UQCRC2: variants seen among roughly 807,000 people sequenced by gnomAD.
UQCRC2 encodes the protein cytochrome b-c1 complex subunit 2, mitochondrial.
Under a neutral mutation model 55.6 loss-of-function variants are expected in UQCRC2, and 49 were observed. That is an observed-to-expected ratio of 0.88 (90% CI 0.70 to 1.12). The LOEUF (loss-of-function observed/expected upper bound fraction) is 1.12. Ranked by LOEUF, UQCRC2 falls within the 50% of genes most tolerant of loss-of-function variation. The probability of loss-of-function intolerance (pLI) is 0.00; values close to 1 mark genes in which losing one functional copy is unlikely to be tolerated. For synonymous variants in UQCRC2, 193 were observed against 192.0 expected, an observed-to-expected ratio of 1.01 and a Z score of -0.04; for missense variants, 506 against 547.8, an observed-to-expected ratio of 0.92 and a Z score of 0.76.
intron 10 of UQCRC2, among the ~76,000 whole-genome samples, chr16:21,973,058 C>G (rs960464716): frequency 6.6e-6 from 1 of 152,206 alleles, no homozygotes; most frequent in African/African-American, 2.4e-5. Context: ...TGAGATCGTG[C>G]CACTGCACTC....
At chr16:21,976,837 G>A (rs1898597944) in intron 12 of UQCRC2, 1 of 152,076 alleles carries the variant, frequency 6.6e-6, no homozygotes. Context: ...GATTTCCCTA[G>A]CAATGATTCT....
intron 1 of UQCRC2, among the ~76,000 whole-genome samples, chr16:21,954,026 C>G (rs1898053435): frequency 6.6e-6 from 1 of 152,152 alleles, no homozygotes; most frequent in Admixed American, 6.5e-5. Context: ...TCCTCAAAAG[C>G]TCCTTAATTA....
intron 7 of UQCRC2, 87 bp from the exon 8 acceptor site, chr16:21,968,541 T>C (rs1029131234): frequency 1.1e-5 from 14 of 1,252,630 alleles, no homozygotes; most frequent in Non-Finnish European, 1.5e-5. Flanking sequence ...TATAAGTATT[T>C]ATTTTCTTCC....
At chr16:21,976,704 C>T (rs564425754) in intron 12 of UQCRC2, 1 of 152,832 alleles carries the variant, frequency 6.5e-6, no homozygotes, top group Non-Finnish European at 1.5e-5. Context: ...TCCAGCCAAA[C>T]AAACATAAGT....
intron 10 of UQCRC2, among the ~76,000 whole-genome samples, chr16:21,972,743 C>T (rs998387297): frequency 6.6e-6 from 1 of 152,072 alleles, no homozygotes; most frequent in Non-Finnish European, 1.5e-5. Flanking sequence ...ATAGAAATTC[C>T]TAGTTCAGAA....
intron 12 of UQCRC2, among the ~76,000 whole-genome samples, chr16:21,978,486 C>T (rs770233488): frequency 2.0e-5 from 3 of 152,088 alleles, no homozygotes; most frequent in Non-Finnish European, 4.4e-5. Flanking sequence ...TTTAAGCTGC[C>T]GTTGCTTACA....
intron 12 of UQCRC2, 106 bp downstream of exon 12, chr16:21,976,349 C>T (rs1898585083): frequency 2.1e-6 from 2 of 973,728 alleles, no homozygotes; most frequent in South Asian, 3.0e-5. Context: ...CTGAGAAGTA[C>T]AGAAAAGCGT....
At chr16:21,959,966 T>A (rs2141928924) in intron 4 of UQCRC2, among the ~76,000 whole-genome samples, 1 of 152,358 alleles carries the variant, frequency 6.6e-6, no homozygotes, top group Admixed American at 6.5e-5. Flanking sequence ...CAGGCTTTTT[T>A]GTTCATTTAC....
Position 21,974,712 on chromosome 16 carries a change from G to T in UQCRC2, c.1047+736G>T, listed in dbSNP as rs1418393114. Among the ~76,000 whole-genome samples, 52 of 152,176 alleles carry T rather than the reference G, an allele frequency of 3.4e-4. 1 individual carries two copies. Among genetic ancestry groups the T allele is most frequent in the Non-Finnish European group, 1.5e-5 (1 of 68,014 alleles). On this transcript the variant is annotated intron_variant, in intron 11 of 13. Coordinates refer to ENST00000268379, the MANE Select transcript of UQCRC2 (RefSeq NM_003366.4). ...TAGGAGAGTTTACACTGAGAGATTA[G>T]GTTGAAAGAGACATACTGAGCAAAA... is the stretch of plus-strand genomic sequence containing the variant.
Position 21,971,959 on chromosome 16 carries a change from A to C in UQCRC2, c.803A>C (p.His268Pro), listed in dbSNP as rs747845175. The C allele has an allele frequency of 3.1e-6, 5 of 1,614,186 alleles. No individual in the cohort carries two copies. The highest frequency in any genetic ancestry group is 4.2e-6 in the Non-Finnish European group (5 of 1,180,034). Reference sequence around the variant, plus strand: ...GAACAGAATGGAGACAGTCTTGTCCATGCTGCTTTTGTAGCAGAAAGTGCT... The same window carrying C: ...GAACAGAATGGAGACAGTCTTGTCCCTGCTGCTTTTGTAGCAGAAAGTGCT... Reference protein sequence around the residue: ...IREQNGDSLVHAAFVAESAVA... With the variant: ...IREQNGDSLVPAAFVAESAVA... The change falls in exon 10 of 14, where the codon CAT becomes CCT. Residue 268 changes from histidine to proline, a missense_variant. His to Pro is a moderately conservative substitution (Grantham distance 77). Coordinates refer to ENST00000268379, the MANE Select transcript of UQCRC2 (RefSeq NM_003366.4).
chr16:21,958,538 A>G lies in UQCRC2; in HGVS notation c.271A>G (p.Thr91Ala). The change falls in exon 4 of 14, where the codon ACA (threonine) becomes GCA (alanine). Residue 91 changes from threonine (T) to alanine (A), a missense_variant. Physicochemically the swap from Thr to Ala is moderately conservative, Grantham distance 58. Coordinates refer to ENST00000268379, the MANE Select transcript of UQCRC2 (RefSeq NM_003366.4). ...TAATCATTCTTTCTTTTTCAAGACG[A>G]CAAAAGGAGCTTCATCTTTCAAGAT... ...HLLRLTSSLT[T>A]KGASSFKITR... 1 of 1,612,188 alleles carries G rather than the reference A, an allele frequency of 6.2e-7. No homozygotes were observed. Among genetic ancestry groups the G allele is most frequent in the South Asian group, 1.1e-5 (1 of 90,426 alleles).
At chr16:21,966,082 G>A (rs1456452079) in intron 7 of UQCRC2, among the ~76,000 whole-genome samples, 1 of 151,138 alleles carries the variant, frequency 6.6e-6, no homozygotes, top group Non-Finnish European at 1.5e-5. Context: ...GGGAGGCCAA[G>A]ACAGAGGGAT....
intron 13 of UQCRC2, 74 bp downstream of exon 13, chr16:21,980,774 A>G (rs1898704810): frequency 1.5e-5 from 23 of 1,558,460 alleles, no homozygotes; most frequent in Non-Finnish European, 1.8e-5. Flanking sequence ...AAGGATGCAT[A>G]AGCGTCCTTG....
intron 9 of UQCRC2, 49 bp downstream of exon 9, chr16:21,971,669 C>T (rs1371089112): frequency 6.4e-6 from 10 of 1,570,914 alleles, no homozygotes; most frequent in Non-Finnish European, 8.7e-6. Context: ...GGCGTTTCCC[C>T]ACTAGAATAG....
At chr16:21,964,743 G>A (rs1417874922) in intron 6 of UQCRC2, among the ~76,000 whole-genome samples, 4 of 152,148 alleles carry the variant, frequency 2.6e-5, no homozygotes, top group African/African-American at 9.7e-5. Flanking sequence ...TGCCGACATT[G>A]CACCCATAAT....
chr16:21,970,208 T>C (rs895769646), intron 8 of UQCRC2, among the ~76,000 whole-genome samples: 3 of 152,246 alleles, frequency 2.0e-5, no homozygotes, highest in Non-Finnish European at 4.4e-5. Flanking sequence ...TATTCATTGA[T>C]TGGCATTTGG....
intron 1 of UQCRC2, 150 bp downstream of exon 1, chr16:21,953,606 G>C: frequency 2.9e-6 from 3 of 1,022,136 alleles, no homozygotes; most frequent in Non-Finnish European, 4.2e-6. Context: ...TGCAGACTGG[G>C]TCAGGCTTTG....
chr16:21,973,853 T>C, intron 10 of UQCRC2, 43 bp from the exon 11 acceptor site: 1 of 1,582,268 alleles, frequency 6.3e-7, no homozygotes, highest in Non-Finnish European at 8.6e-7. Context: ...TGCCCTGTTT[T>C]ACTTGGTAGA....
Position 21,962,859 on chromosome 16 carries a change from C to A in UQCRC2, c.488C>A (p.Ala163Asp). 1 of 1,614,068 alleles carries A rather than the reference C, an allele frequency of 6.2e-7. No homozygotes were observed. ...DLQPQLKIDKAVAFQNPQTHV... is the reference protein window; with the variant it reads ...DLQPQLKIDKDVAFQNPQTHV... ...CAGCCTCAGCTAAAGATTGACAAAG[C>A]TGTGGCCTTTCAGAATCCGCAGACT... The change falls in exon 6 of 14, where the codon GCT becomes GAT. Residue 163 changes from alanine (A) to aspartate (D), a missense_variant. Physicochemically the swap from Ala to Asp is moderately radical, Grantham distance 126. Transcript: ENST00000268379.
Sources: gnomAD v4.1 joint callset for allele counts (sites outside exome capture counted in the v4.1 genomes callset) on GRCh38, gnomAD v4.1.1 for gene constraint, MANE v1.5 for transcripts, NCBI Gene and HGNC (gene_info 2026-07-23, HGNC 2026-07-21) for gene names.